CSMD3: variants seen among roughly 807,000 people sequenced by gnomAD.
The protein encoded by CSMD3 is CUB and sushi domain-containing protein 3.
A neutral mutation model predicts 435.2 loss-of-function variants in CSMD3; 177 were observed. That is an observed-to-expected ratio of 0.41 (90% CI 0.36 to 0.46). The LOEUF (loss-of-function observed/expected upper bound fraction) is 0.46, where lower values mean the gene tolerates loss of function less well. Ranked by LOEUF, CSMD3 falls within the 20% of genes least tolerant of loss-of-function variation. The pLI is 0.34. For synonymous variants in CSMD3, 1,656 were observed against 1,520.5 expected, an observed-to-expected ratio of 1.09 and a Z score of -2.07; for missense variants, 4,265 against 4,504.6, an observed-to-expected ratio of 0.95 and a Z score of 1.52.
At chr8:113,319,035 G>A (rs1053916915) in intron 1 of CSMD3, among the ~76,000 whole-genome samples, 14 of 151,878 alleles carry the variant, frequency 9.2e-5, no homozygotes, top group Non-Finnish European at 1.8e-4. Flanking sequence ...TTACATGGTG[G>A]TTCTTGTATC....
intron 1 of CSMD3, among the ~76,000 whole-genome samples, chr8:113,424,339 ATAATG>A (rs1483909548): frequency 6.6e-6 from 1 of 151,774 alleles, no homozygotes; most frequent in African/African-American, 2.4e-5. Context: ...ATAACAAAAC[ATAATG>A]TACTTATTGA....
At chr8:112,799,029 T>C (rs1233783233) in intron 13 of CSMD3, among the ~76,000 whole-genome samples, 1 of 151,886 alleles carries the variant, frequency 6.6e-6, no homozygotes, top group South Asian at 2.1e-4. Context: ...GATAAATACA[T>C]GTAACATAAG....
At chr8:112,302,272 C>T (rs1440017268) in intron 52 of CSMD3, among the ~76,000 whole-genome samples, 1 of 147,584 alleles carries the variant, frequency 6.8e-6, no homozygotes, top group Non-Finnish European at 1.5e-5. Context: ...TGAAAAACAT[C>T]ACAAGTTTAA....
chr8:113,296,023 C>T (rs1193704136), intron 2 of CSMD3, among the ~76,000 whole-genome samples: 16 of 152,072 alleles, frequency 1.1e-4, no homozygotes, highest in Non-Finnish European at 1.5e-5. Context: ...TGGAAACCAT[C>T]ATTCTCAGCA....
intron 1 of CSMD3, among the ~76,000 whole-genome samples, chr8:113,366,935 C>A (rs1257653814): frequency 6.6e-6 from 1 of 151,892 alleles, no homozygotes; most frequent in African/African-American, 2.4e-5. Context: ...TTTAAATATA[C>A]AACAAAATCA....
chr8:113,177,016 G>T (rs1321776972), intron 3 of CSMD3, among the ~76,000 whole-genome samples: 1 of 151,384 alleles, frequency 6.6e-6, no homozygotes, highest in African/African-American at 2.4e-5. Context: ...AGTAAGTGAT[G>T]ATATTGCTTA....
chr8:112,615,085 C>T (rs1006189348), intron 22 of CSMD3, among the ~76,000 whole-genome samples: 1 of 151,982 alleles, frequency 6.6e-6, no homozygotes, highest in Non-Finnish European at 1.5e-5. Context: ...AAGTTTGTAC[C>T]TAGTTTGAAA....
chr8:112,368,441 A>C (rs1449120790), intron 38 of CSMD3, among the ~76,000 whole-genome samples: 1 of 152,212 alleles, frequency 6.6e-6, no homozygotes, highest in African/African-American at 2.4e-5. Context: ...ATTGCAATGC[A>C]CAATTATCTG....
intron 7 of CSMD3, among the ~76,000 whole-genome samples, chr8:112,968,662 C>A (rs939020855): frequency 1.3e-5 from 2 of 151,896 alleles, no homozygotes; most frequent in African/African-American, 2.4e-5. Context: ...TGTGGTAATT[C>A]TTTCTCTTAT....
chr8:112,891,649 C>A (rs2081794803), intron 10 of CSMD3, among the ~76,000 whole-genome samples: 1 of 151,426 alleles, frequency 6.6e-6, no homozygotes, highest in Non-Finnish European at 1.5e-5. Context: ...TTCAGTTTAA[C>A]CAGGCAAAAT....
chr8:113,431,610 C>T (rs1338710188), intron 1 of CSMD3, among the ~76,000 whole-genome samples: 1 of 152,150 alleles, frequency 6.6e-6, no homozygotes, highest in Non-Finnish European at 1.5e-5. Context: ...AAGAGAAACA[C>T]CCTTTGGAAC....
At chr8:112,921,498 T>A in intron 10 of CSMD3, 129 bp downstream of exon 10, 1 of 834,154 alleles carries the variant, frequency 1.2e-6, no homozygotes, top group Admixed American at 2.3e-5. Context: ...TAAATATCAA[T>A]AAATATATGA....
At chr8:112,690,306 G>A (rs2076103291) in intron 13 of CSMD3, among the ~76,000 whole-genome samples, 1 of 151,742 alleles carries the variant, frequency 6.6e-6, no homozygotes, top group Non-Finnish European at 1.5e-5. Flanking sequence ...CAGAGGCCAT[G>A]TACTTAACAG....
chr8:113,306,236 C>A (rs1180077138), intron 2 of CSMD3, among the ~76,000 whole-genome samples: 1 of 152,092 alleles, frequency 6.6e-6, no homozygotes, highest in Non-Finnish European at 1.5e-5. Context: ...TTGAGTCAGA[C>A]AGTAGAGCCT....
chr8:113,356,417 T>A (rs1453248832), intron 1 of CSMD3, among the ~76,000 whole-genome samples: 1 of 152,128 alleles, frequency 6.6e-6, no homozygotes, highest in Non-Finnish European at 1.5e-5. Context: ...TTGGTCAGCT[T>A]TTTTTGTGGT....
In CSMD3 at chr8:113,388,463, G is replaced by A. The variant is rs75953960; in HGVS notation, c.178+48214C>T. On this transcript the variant is annotated intron_variant, in intron 1 of 70. Coordinates refer to ENST00000297405, the MANE Select transcript of CSMD3 (RefSeq NM_198123.2). ...TACCTTTGACCATCTGATTTGTCAC[G>A]TAGCCCATTAAATTGGAGTTATTTA... Among the ~76,000 whole-genome samples, 13 of 151,480 alleles carry A rather than the reference G, an allele frequency of 8.6e-5. 1 individual carries two copies. The South Asian group carries it at 2.3e-3, about 27-fold the overall frequency.
intron 29 of CSMD3, among the ~76,000 whole-genome samples, chr8:112,506,357 C>G (rs1412460100): frequency 6.6e-6 from 1 of 152,026 alleles, no homozygotes; most frequent in Non-Finnish European, 1.5e-5. Context: ...TTACATCAAC[C>G]TTAGATAATA....
intron 1 of CSMD3, among the ~76,000 whole-genome samples, chr8:113,326,255 T>TTAA (rs2093983125): frequency 6.6e-6 from 1 of 152,166 alleles, no homozygotes; most frequent in South Asian, 2.1e-4. Context: ...TTGAACATGT[T>TTAA]GATAGAGTTC....
chr8:112,252,618 T>C (rs963661020), intron 63 of CSMD3, among the ~76,000 whole-genome samples: 2 of 150,874 alleles, frequency 1.3e-5, no homozygotes, highest in African/African-American at 2.4e-5. Flanking sequence ...ATTAGAATTA[T>C]ATAACTATTT....
Sources: allele counts gnomAD v4.1 joint callset (sites outside exome capture counted in the v4.1 genomes callset), GRCh38; gene constraint gnomAD v4.1.1; transcripts MANE v1.5; gene names NCBI Gene and HGNC (gene_info 2026-07-23, HGNC 2026-07-21).